NFIB: variants seen among roughly 807,000 people sequenced by gnomAD.
NFIB encodes the protein nuclear factor 1 B-type.
NFIB carries 11 observed loss-of-function variants against 61.5 expected under a neutral mutation model. The ratio of observed to expected loss-of-function variants is 0.18; its 90% CI spans 0.11 to 0.30. NFIB has a LOEUF of 0.30. NFIB is among the 10% of genes least tolerant of loss of function. The probability of loss-of-function intolerance (pLI) is 1.00; values close to 1 mark genes in which losing one functional copy is unlikely to be tolerated. For synonymous variants in NFIB, 260 were observed against 216.5 expected (o/e 1.20, Z -1.76); for missense variants, 471 against 608.9 (o/e 0.77, Z 2.38).
At chr9:14,251,005 A>T (rs550465443) in intron 2 of NFIB, among the ~76,000 whole-genome samples, 8 of 152,364 alleles carry the variant, frequency 5.3e-5, no homozygotes, top group Non-Finnish European at 8.8e-5. Context: ...GACTTTTCTT[A>T]GGTGATGTCT....
chr9:14,518,840 A>G, the NFIB span, among the ~76,000 whole-genome samples: 1 of 152,024 alleles, frequency 6.6e-6, no homozygotes, highest in African/African-American at 2.4e-5. Flanking sequence ...CATATTTCCA[A>G]TTCCCAACTT....
chr9:14,349,084 G>C (rs1167681544), intron 1 of NFIB, among the ~76,000 whole-genome samples: 4 of 152,242 alleles, frequency 2.6e-5, no homozygotes, highest in Admixed American at 2.0e-4. Flanking sequence ...CGAGTTGCTT[G>C]AGGGAAATCA....
chr9:14,335,313 A>G (rs2060873407), intron 1 of NFIB, among the ~76,000 whole-genome samples: 1 of 152,246 alleles, frequency 6.6e-6, no homozygotes, highest in African/African-American at 2.4e-5. Context: ...CCAGCAATGT[A>G]TGAGAGCTCC....
chr9:14,483,921 T>A, the NFIB span, among the ~76,000 whole-genome samples: 1 of 152,224 alleles, frequency 6.6e-6, no homozygotes, highest in Non-Finnish European at 1.5e-5. Flanking sequence ...AGGCAGATCA[T>A]CAGGAAGCTA....
rs1423575410 is a variant in NFIB, at chr9:14,085,077, C to T, written c.*3232G>A. ...GAGCTTGGCTGAGATGATCTGTTTG[C>T]TACCAGGGCGAGTATCACAGAAATG... is the stretch of plus-strand genomic sequence containing the variant. On this transcript the variant is annotated 3_prime_UTR_variant, in exon 11 of 11. Transcript: ENST00000380953. The T allele has an allele frequency of 4.4e-6, 1 of 228,776 alleles. No individual in the cohort carries two copies. Among genetic ancestry groups the T allele is most frequent in the Non-Finnish European group, 8.7e-6 (1 of 115,206 alleles). 14.2% of individuals were successfully genotyped at this position (228,776 alleles called of 1,614,324 possible). A position where few individuals can be genotyped will look rare whatever the true frequency, so the allele number is the denominator to read the frequency against.
rs33918801 is a variant in NFIB at position 14,083,479 on chromosome 9, T to TAA, written c.*4828_*4829dup. The TAA allele has an allele frequency of 0.17, 22,630 of 134,264 alleles. 2,451 individuals are homozygous for TAA. The highest frequency in any genetic ancestry group is 0.34 in the South Asian group (1,025 of 2,974). 8.3% of individuals were successfully genotyped at this position (134,264 alleles called of 1,614,324 possible). A position where few individuals can be genotyped will look rare whatever the true frequency, so the allele number is the denominator to read the frequency against. ...TATTGAACTTGAATAGCCTGCACATTAAAAAAAAAAAAAAAAAAAAAGTTT... is the reference window on the plus strand; with the variant it reads ...TATTGAACTTGAATAGCCTGCACATTAAAAAAAAAAAAAAAAAAAAAAAGTTT... On this transcript the variant is annotated 3_prime_UTR_variant, in exon 11 of 11. Coordinates refer to ENST00000380953, the MANE Select transcript of NFIB (RefSeq NM_001190737.2).
intron 2 of NFIB, 37 bp from the exon 3 acceptor site, chr9:14,179,817 T>C (rs1470827070): frequency 6.2e-7 from 1 of 1,605,652 alleles, no homozygotes; most frequent in African/African-American, 1.3e-5. Context: ...TCTTTTTAAT[T>C]TGTTTTGAAA....
At chr9:14,172,258 A>C (rs888927784) in intron 3 of NFIB, among the ~76,000 whole-genome samples, 5 of 152,182 alleles carry the variant, frequency 3.3e-5, no homozygotes, top group Non-Finnish European at 5.9e-5. Context: ...CACTTGGTTA[A>C]AGGGGTTTGT....
At chr9:14,427,942 T>TTTTTTTTTTGTTTG in the NFIB span, among the ~76,000 whole-genome samples, 1 of 77,844 alleles carries the variant, frequency 1.3e-5, no homozygotes, top group Admixed American at 1.2e-4. Context: ...CAGTTGTTTT[T>TTTTTTTTTTGTTTG]TTTTTTTTTT....
At chr9:14,468,993 G>T in the NFIB span, among the ~76,000 whole-genome samples, 1 of 152,144 alleles carries the variant, frequency 6.6e-6, no homozygotes, top group Non-Finnish European at 1.5e-5. Context: ...GACATATCCA[G>T]GTATCAGAAG....
At chr9:14,380,926 C>T (rs367704284) in intron 1 of NFIB, among the ~76,000 whole-genome samples, 2 of 151,892 alleles carry the variant, frequency 1.3e-5, no homozygotes, top group African/African-American at 4.8e-5. Context: ...CAGATCTCCT[C>T]CATACTGAGT....
chr9:14,465,577 A>ACT, the NFIB span, among the ~76,000 whole-genome samples: 1 of 92,236 alleles, frequency 1.1e-5, no homozygotes, highest in Non-Finnish European at 2.2e-5. Context: ...CTTGTTACAC[A>ACT]CACACACACA....
intron 3 of NFIB, among the ~76,000 whole-genome samples, chr9:14,172,113 G>A (rs1237612123): frequency 6.6e-6 from 1 of 152,148 alleles, no homozygotes; most frequent in Non-Finnish European, 1.5e-5. Flanking sequence ...GAAACCACTG[G>A]TCATGGATTT....
chr9:14,256,836 G>A (rs2056263553), intron 2 of NFIB, among the ~76,000 whole-genome samples: 1 of 152,142 alleles, frequency 6.6e-6, no homozygotes. Flanking sequence ...GCATCCTGAG[G>A]CCGTTAACTT....
chr9:14,158,196 C>G (rs943700650), intron 3 of NFIB, among the ~76,000 whole-genome samples: 1 of 151,948 alleles, frequency 6.6e-6, no homozygotes, highest in East Asian at 1.9e-4. Flanking sequence ...ACCAGTCACA[C>G]AAGATTATTT....
intron 2 of NFIB, among the ~76,000 whole-genome samples, chr9:14,235,992 T>C (rs1013333367): frequency 3.3e-5 from 5 of 152,206 alleles, no homozygotes; most frequent in Admixed American, 2.0e-4. Flanking sequence ...CAGATTTTGA[T>C]GGAAGACAAG....
At chr9:14,395,586 C>G (rs1412194275) in intron 1 of NFIB, among the ~76,000 whole-genome samples, 1 of 151,978 alleles carries the variant, frequency 6.6e-6, no homozygotes, top group African/African-American at 2.4e-5. Flanking sequence ...TAAGCCGGCC[C>G]CGATCTGTAT....
chr9:14,395,521 G>T (rs535440741), intron 1 of NFIB, among the ~76,000 whole-genome samples: 1 of 151,708 alleles, frequency 6.6e-6, no homozygotes, highest in Non-Finnish European at 1.5e-5. Flanking sequence ...TGTTTTTCTC[G>T]TGAGCCCCAC....
At chr9:14,282,573 C>T (rs552385564) in intron 2 of NFIB, among the ~76,000 whole-genome samples, 18 of 152,346 alleles carry the variant, frequency 1.2e-4, no homozygotes, top group East Asian at 1.9e-4. Context: ...TTAGAGTGTG[C>T]TAAGGTCATT....
Sources: allele counts gnomAD v4.1 joint callset (sites outside exome capture counted in the v4.1 genomes callset), GRCh38; gene constraint gnomAD v4.1.1; transcripts MANE v1.5; gene names NCBI Gene and HGNC (gene_info 2026-07-23, HGNC 2026-07-21).